The following CD226 variants were observed in gnomAD, a reference collection of about 807,000 sequenced individuals.
The protein encoded by CD226 is CD226 molecule, also known as CD226 antigen.
Under a neutral mutation model 34.9 loss-of-function variants are expected in CD226, and 24 were observed. The ratio of observed to expected loss-of-function variants is 0.69; its 90% confidence interval spans 0.50 to 0.97. The LOEUF is 0.97. Ranked by LOEUF, CD226 falls within the 50% of genes least tolerant of loss-of-function variation. The pLI is 0.00. For missense variants in CD226, 397 were observed against 412.7 expected, an observed-to-expected ratio of 0.96 and a Z score of 0.33; for synonymous variants, 148 against 147.4, an observed-to-expected ratio of 1.00 and a Z score of -0.03.
At chr18:69,883,671 C>T (rs746644009) in intron 3 of CD226, among the ~76,000 whole-genome samples, 32 of 152,200 alleles carry the variant, frequency 2.1e-4, no homozygotes, top group Non-Finnish European at 3.5e-4. Flanking sequence ...GTATATAAGA[C>T]ATGTCATTAC....
chr18:69,942,243 C>T (rs763506078), intron 2 of CD226, among the ~76,000 whole-genome samples: 8 of 152,166 alleles, frequency 5.3e-5, no homozygotes, highest in African/African-American at 9.7e-5. Flanking sequence ...AATAAATCTC[C>T]ATGTATATAC....
intron 3 of CD226, 75 bp from the exon 4 acceptor site, chr18:69,873,321 G>A: frequency 4.2e-6 from 3 of 713,090 alleles, no homozygotes; most frequent in Non-Finnish European, 4.9e-6. Flanking sequence ...GGAAAATAAA[G>A]AAAAGATACA....
chr18:69,953,057 A>T (rs2055867207), intron 1 of CD226, among the ~76,000 whole-genome samples: 1 of 152,226 alleles, frequency 6.6e-6, no homozygotes, highest in Admixed American at 6.5e-5. Context: ...AAAGAGAAAA[A>T]TTAATATGTT....
chr18:69,949,578 T>C (rs1306003925), upstream of CD226, among the ~76,000 whole-genome samples: 5 of 146,740 alleles, frequency 3.4e-5, no homozygotes, highest in African/African-American at 1.3e-4. Context: ...CCTGTGTCCC[T>C]TCACACACAC....
intron 3 of CD226, among the ~76,000 whole-genome samples, chr18:69,880,270 G>A (rs533169461): frequency 7.0e-4 from 103 of 146,238 alleles, no homozygotes; most frequent in South Asian, 3.0e-3. Context: ...AAGAAGGAAG[G>A]GGAGGGAAGG....
intron 2 of CD226, among the ~76,000 whole-genome samples, chr18:69,921,062 AC>A (rs2055445311): frequency 6.6e-6 from 1 of 152,132 alleles, no homozygotes; most frequent in Admixed American, 6.5e-5. Flanking sequence ...GAAAACTTAT[AC>A]CCAATGTTTC....
chr18:69,909,624 C>A (rs1385895540), intron 2 of CD226, among the ~76,000 whole-genome samples: 2 of 152,078 alleles, frequency 1.3e-5, no homozygotes, highest in Non-Finnish European at 2.9e-5. Flanking sequence ...ATCATCACAT[C>A]GATTCAGAAA....
At chr18:69,905,790 G>A (rs1035118673) in intron 2 of CD226, among the ~76,000 whole-genome samples, 2 of 152,208 alleles carry the variant, frequency 1.3e-5, no homozygotes, top group African/African-American at 4.8e-5. Flanking sequence ...AAGAGAGCCT[G>A]TAGAAATTCC....
upstream of CD226, among the ~76,000 whole-genome samples, chr18:69,959,639 AC>A (rs1033429998): frequency 1.9e-3 from 94 of 49,464 alleles, 1 homozygote; most frequent in East Asian, 0.45. Context: ...AGTGGAAAAA[AC>A]AATCATAGTT....
At chr18:69,907,562 G>A (rs1272469307) in intron 2 of CD226, among the ~76,000 whole-genome samples, 6 of 152,192 alleles carry the variant, frequency 3.9e-5, no homozygotes, top group African/African-American at 7.2e-5. Context: ...CGCCCACCTC[G>A]GCCTCCCAAA....
chr18:69,906,678 C>T (rs548496415), intron 2 of CD226, among the ~76,000 whole-genome samples: 13 of 152,278 alleles, frequency 8.5e-5, no homozygotes, highest in South Asian at 8.3e-4. Flanking sequence ...TGGAGGACTT[C>T]GAGTTTCAGA....
At chr18:69,935,026 A>G (rs1216277184) in intron 2 of CD226, among the ~76,000 whole-genome samples, 1 of 152,320 alleles carries the variant, frequency 6.6e-6, no homozygotes, top group South Asian at 2.1e-4. Flanking sequence ...CAAAAACCAT[A>G]ACTTAGAAAC....
intron 3 of CD226, among the ~76,000 whole-genome samples, chr18:69,877,492 T>C (rs1439620702): frequency 1.3e-5 from 2 of 152,074 alleles, no homozygotes; most frequent in East Asian, 1.9e-4. Context: ...CTTGTAGAAA[T>C]GGGACTGGGC....
chr18:69,896,627 A>G (rs967429467), intron 2 of CD226, among the ~76,000 whole-genome samples: 8 of 152,228 alleles, frequency 5.3e-5, no homozygotes, highest in African/African-American at 1.9e-4. Context: ...TGAGAAACAC[A>G]GCCAAAACCC....
chr18:69,933,464 C>T (rs779978985), intron 2 of CD226, among the ~76,000 whole-genome samples: 1 of 152,166 alleles, frequency 6.6e-6, no homozygotes, highest in Non-Finnish European at 1.5e-5. Context: ...CCTATATTTC[C>T]AGGCCATGGT....
intron 5 of CD226, among the ~76,000 whole-genome samples, chr18:69,865,741 A>T (rs1983102114): frequency 6.6e-6 from 1 of 152,270 alleles, no homozygotes; most frequent in African/African-American, 2.4e-5. Context: ...ATAAATAAAA[A>T]GTTAAACTGA....
intron 1 of CD226, among the ~76,000 whole-genome samples, chr18:69,952,897 A>G (rs2055866139): frequency 1.3e-5 from 2 of 152,220 alleles, no homozygotes; most frequent in Admixed American, 1.3e-4. Context: ...ACACTTTAAC[A>G]TAAAAGAAAC....
chr18:69,932,667 A>C (rs1377854303), intron 2 of CD226, among the ~76,000 whole-genome samples: 2 of 152,218 alleles, frequency 1.3e-5, no homozygotes, highest in Non-Finnish European at 2.9e-5. Flanking sequence ...CATCCAGCTA[A>C]CAGCATGACC....
chr18:69,858,047 A>C lies in CD226; in HGVS notation c.*6267T>G, dbSNP rs1425494704. ...AAGTCTAGAAAAATATGCAATGTAT[A>C]CATGCGGATGATTAGTAAACCCTAA... On this transcript the variant is annotated 3_prime_UTR_variant, in exon 6 of 6. Coordinates refer to ENST00000582621, the MANE Select transcript of CD226 (RefSeq NM_001303618.2). 6.6e-6 allele frequency: 1 copy of C among 152,236 alleles called. No individual in the cohort carries two copies. Among genetic ancestry groups the C allele is most frequent in the Non-Finnish European group, 1.5e-5 (1 of 68,042 alleles). The allele number at this position is 152,236 out of a possible 1,614,324, so 9.4% of individuals were successfully genotyped here. A position where few individuals can be genotyped will look rare whatever the true frequency, so the allele number is the denominator to read the frequency against.
Sources: allele counts gnomAD v4.1 joint callset (sites outside exome capture counted in the v4.1 genomes callset), GRCh38; gene constraint gnomAD v4.1.1; transcripts MANE v1.5; gene names NCBI Gene and HGNC (gene_info 2026-07-23, HGNC 2026-07-21).